Variants in DCC observed in about 807,000 individuals in gnomAD.
DCC encodes netrin receptor DCC.
DCC carries 58 observed loss-of-function variants against 172.5 expected under a neutral mutation model. That is an observed-to-expected ratio of 0.34 (90% CI 0.27 to 0.42). The LOEUF is 0.42. DCC is among the 10% of genes least tolerant of loss of function. DCC has a pLI of 1.00. For synonymous variants in DCC, 709 were observed against 644.5 expected, an observed-to-expected ratio of 1.10 and a Z score of -1.52; for missense variants, 1,740 against 1,791.0, an observed-to-expected ratio of 0.97 and a Z score of 0.51.
chr18:52,397,549 T>A (rs1213490109), intron 1 of DCC, among the ~76,000 whole-genome samples: 1 of 152,048 alleles, frequency 6.6e-6, no homozygotes, highest in African/African-American at 2.4e-5. Context: ...ACAGTATTGC[T>A]GTTGGCCTTT....
At chr18:52,739,871 G>A (rs2036791948) in intron 1 of DCC, among the ~76,000 whole-genome samples, 1 of 151,992 alleles carries the variant, frequency 6.6e-6, no homozygotes, top group African/African-American at 2.4e-5. Context: ...GAATCATCTG[G>A]GGCTCTTTCT....
At chr18:52,978,525 A>G (rs1203810518) in intron 5 of DCC, among the ~76,000 whole-genome samples, 1 of 152,268 alleles carries the variant, frequency 6.6e-6, no homozygotes, top group East Asian at 1.9e-4. Context: ...CTTAATTTGT[A>G]TAAGAACTCT....
Position 53,499,320 on chromosome 18 carries a change from C to A in DCC, c.3921C>A (p.Thr1307=). The A allele has an allele frequency of 6.2e-7, 1 of 1,613,898 alleles. No homozygotes were observed. The highest frequency in any genetic ancestry group is 8.5e-7 in the Non-Finnish European group (1 of 1,179,962). ...RSQSVSEGPT[T]QQPPMLPPSQ... ...CAGCAGTGAGTGAAGGACCAACTAC[C>A]CAACAACCACCTATGCTGCCCCCAT... Residue 1307 remains threonine (T), a synonymous_variant, in exon 27 of 29, where the codon ACC becomes ACA. Transcript: ENST00000442544.
intron 5 of DCC, among the ~76,000 whole-genome samples, chr18:53,048,284 A>G (rs1052914951): frequency 6.6e-6 from 1 of 150,930 alleles, no homozygotes; most frequent in East Asian, 2.0e-4. Flanking sequence ...CCCACCCTCC[A>G]CTCAGAAAAA....
chr18:52,979,136 A>G (rs929491144), intron 5 of DCC, among the ~76,000 whole-genome samples: 4 of 152,202 alleles, frequency 2.6e-5, no homozygotes, highest in South Asian at 4.1e-4. Flanking sequence ...GCATAAAAGT[A>G]TAATTATATT....
chr18:52,852,856 T>G (rs928941963), intron 2 of DCC, among the ~76,000 whole-genome samples: 10 of 152,182 alleles, frequency 6.6e-5, no homozygotes, highest in African/African-American at 2.4e-4. Context: ...AAATTACATA[T>G]TTAGTATCTC....
chr18:52,905,166 G>A (rs955485031), intron 2 of DCC, among the ~76,000 whole-genome samples: 1 of 151,944 alleles, frequency 6.6e-6, no homozygotes, highest in Non-Finnish European at 1.5e-5. Flanking sequence ...TGTATGTAAT[G>A]GCCAGTTTAT....
intron 1 of DCC, among the ~76,000 whole-genome samples, chr18:52,619,483 C>T (rs757317864): frequency 2.0e-5 from 3 of 152,138 alleles, no homozygotes; most frequent in Non-Finnish European, 4.4e-5. Context: ...CTTATTTTTG[C>T]CCAGTGGTAA....
In DCC at chr18:53,115,392, A is replaced by G. The variant is rs1245193998; in HGVS notation, c.1262-41964A>G. 2.0e-5 allele frequency among the ~76,000 whole-genome samples: 3 copies of G among 151,464 alleles called. 1 individual carries two copies. The highest frequency in any genetic ancestry group is 6.6e-5 in the Admixed American group (1 of 15,158). ...TTTTGCTTGTTTTACCTAGCATATTAAAGTTGGGGTGTGTGTGTGTGTGGT... is the reference window on the plus strand; with the variant it reads ...TTTTGCTTGTTTTACCTAGCATATTGAAGTTGGGGTGTGTGTGTGTGTGGT... On this transcript the variant is annotated intron_variant, in intron 7 of 28. Transcript: ENST00000442544.
intron 1 of DCC, among the ~76,000 whole-genome samples, chr18:52,522,505 T>C (rs2031851837): frequency 1.3e-5 from 2 of 152,152 alleles, no homozygotes; most frequent in African/African-American, 4.8e-5. Flanking sequence ...CCAGATAAAA[T>C]ATAGGATACC....
chr18:52,850,344 G>A (rs879923472), intron 2 of DCC, among the ~76,000 whole-genome samples: 7 of 152,074 alleles, frequency 4.6e-5, no homozygotes, highest in Non-Finnish European at 8.8e-5. Context: ...TTAACTTTTC[G>A]GAAACATTTC....
At chr18:52,398,600 G>C (rs554191103) in intron 1 of DCC, among the ~76,000 whole-genome samples, 1 of 151,890 alleles carries the variant, frequency 6.6e-6, no homozygotes, top group Non-Finnish European at 1.5e-5. Flanking sequence ...AATACAGAGA[G>C]GCAACATATA....
chr18:52,647,725 G>T (rs149982285), intron 1 of DCC, among the ~76,000 whole-genome samples: 31 of 152,300 alleles, frequency 2.0e-4, no homozygotes, highest in African/African-American at 7.0e-4. Flanking sequence ...CAGGGGGAAA[G>T]GTACTTCTTG....
chr18:53,079,139 A>G (rs2042763644), intron 7 of DCC, among the ~76,000 whole-genome samples: 1 of 152,112 alleles, frequency 6.6e-6, no homozygotes, highest in Non-Finnish European at 1.5e-5. Context: ...TAAAAGTACT[A>G]TGTAGCTTAT....
At chr18:53,348,611 T>G (rs916169500) in intron 15 of DCC, among the ~76,000 whole-genome samples, 5 of 152,204 alleles carry the variant, frequency 3.3e-5, no homozygotes, top group Non-Finnish European at 7.3e-5. Flanking sequence ...CCTTCTGCAC[T>G]GCCCTAGCAG....
chr18:52,447,810 T>C (rs758548866), intron 1 of DCC, among the ~76,000 whole-genome samples: 1 of 151,774 alleles, frequency 6.6e-6, no homozygotes, highest in Non-Finnish European at 1.5e-5. Flanking sequence ...AACAAGTAGA[T>C]CTCATGAGAA....
Position 52,656,103 on chromosome 18 carries a change from T to C in DCC, c.92-95951T>C, listed in dbSNP as rs113274302. 9.8e-4 allele frequency among the ~76,000 whole-genome samples: 144 copies of C among 146,864 alleles called. 1 individual carries two copies. The highest frequency in any genetic ancestry group is 2.9e-3 in the African/African-American group (116 of 39,394). Reference sequence around the variant, plus strand: ...ATATGTGTGTGTGTGTATATATATATACATATATATAACATATATATGTAT... The same window carrying C: ...ATATGTGTGTGTGTGTATATATATACACATATATATAACATATATATGTAT... On this transcript the variant is annotated intron_variant, in intron 1 of 28. Coordinates refer to ENST00000442544, the MANE Select transcript of DCC (RefSeq NM_005215.4).
At chr18:53,429,994 T>C (rs1041714650) in intron 21 of DCC, among the ~76,000 whole-genome samples, 1 of 152,132 alleles carries the variant, frequency 6.6e-6, no homozygotes, top group Non-Finnish European at 1.5e-5. Context: ...TGTTATCAAC[T>C]GCCTGGTAAA....
At chr18:53,351,871 G>A (rs2057817222) in intron 15 of DCC, among the ~76,000 whole-genome samples, 2 of 151,742 alleles carry the variant, frequency 1.3e-5, no homozygotes, top group African/African-American at 2.4e-5. Context: ...CCCTCACTAT[G>A]TCAGGTATTA....
Sources: gnomAD v4.1 joint callset for allele counts (sites outside exome capture counted in the v4.1 genomes callset) on GRCh38, gnomAD v4.1.1 for gene constraint, MANE v1.5 for transcripts, NCBI Gene and HGNC (gene_info 2026-07-23, HGNC 2026-07-21) for gene names.